The following SOX6 variants were observed in gnomAD, a reference collection of about 807,000 sequenced individuals.
SOX6 encodes the protein transcription factor SOX-6.
A neutral mutation model predicts 97.8 loss-of-function variants in SOX6; 11 were observed. The ratio of observed to expected loss-of-function variants is 0.11; its 90% CI spans 0.07 to 0.19. The LOEUF is 0.19. SOX6 is among the 10% of genes least tolerant of loss of function. The pLI is 1.00. For missense variants in SOX6, 810 were observed against 1,039.5 expected, an observed-to-expected ratio of 0.78 and a Z score of 3.04; for synonymous variants, 360 against 371.4, an observed-to-expected ratio of 0.97 and a Z score of 0.35.
intron 2 of SOX6, among the ~76,000 whole-genome samples, chr11:16,726,066 T>C (rs1848304231): frequency 6.6e-6 from 1 of 152,232 alleles, no homozygotes; most frequent in African/African-American, 2.4e-5. Flanking sequence ...TCTTCTAATA[T>C]CTACCTCAGG....
rs189808541 is a variant in SOX6 at position 16,036,161 on chromosome 11, C to A, written c.1623+10353G>T. ...ATGGCATGACCTCTGCTCACCGCAA[C>A]CTCTGCCTCCTAGGTTCAAGCAATT... is the stretch of plus-strand genomic sequence containing the variant. On this transcript the variant is annotated intron_variant, in intron 12 of 15. Coordinates refer to ENST00000683767, the MANE Select transcript of SOX6 (RefSeq NM_001367873.1). 2.0e-5 allele frequency among the ~76,000 whole-genome samples: 3 copies of A among 150,748 alleles called. No individual in the cohort carries two copies. The East Asian group carries it at 5.8e-4, about 29-fold the overall frequency.
chr11:16,694,657 T>C (rs1848039984), intron 3 of SOX6, among the ~76,000 whole-genome samples: 1 of 152,246 alleles, frequency 6.6e-6, no homozygotes. Context: ...AGAAGTCTTA[T>C]TACTCATGCT....
chr11:16,081,598 G>C (rs926846794), intron 9 of SOX6, among the ~76,000 whole-genome samples: 1 of 152,134 alleles, frequency 6.6e-6, no homozygotes, highest in African/African-American at 2.4e-5. Context: ...ATGTCGCTAT[G>C]CAGCTCTTTG....
At chr11:16,627,977 G>A (rs1848647534) in intron 3 of SOX6, among the ~76,000 whole-genome samples, 1 of 152,056 alleles carries the variant, frequency 6.6e-6, no homozygotes, top group Non-Finnish European at 1.5e-5. Flanking sequence ...TTTTATATAT[G>A]GTGAAAGGTA....
chr11:16,195,189 T>G (rs1851739197), intron 4 of SOX6, among the ~76,000 whole-genome samples: 1 of 152,192 alleles, frequency 6.6e-6, no homozygotes, highest in Non-Finnish European at 1.5e-5. Flanking sequence ...GTTATCTTAA[T>G]CCTCATCCAA....
At chr11:16,291,714 G>A (rs1353473284) in intron 3 of SOX6, among the ~76,000 whole-genome samples, 2 of 152,096 alleles carry the variant, frequency 1.3e-5, no homozygotes, top group African/African-American at 4.8e-5. Context: ...TGTGAGGCAT[G>A]TGCGTACACA....
intron 4 of SOX6, among the ~76,000 whole-genome samples, chr11:16,586,500 G>T (rs575842660): frequency 2.6e-5 from 4 of 152,206 alleles, no homozygotes; most frequent in African/African-American, 9.6e-5. Context: ...AAGAGCCTTA[G>T]AAGAAAAAAG....
chr11:16,078,356 T>G (rs570207254), intron 9 of SOX6, among the ~76,000 whole-genome samples: 1 of 152,280 alleles, frequency 6.6e-6, no homozygotes, highest in African/African-American at 2.4e-5. Flanking sequence ...GTCCAGAAAT[T>G]AGATTTGAAA....
intron 12 of SOX6, among the ~76,000 whole-genome samples, chr11:16,030,228 T>C (rs184528131): frequency 5.3e-5 from 8 of 152,318 alleles, no homozygotes; most frequent in Non-Finnish European, 1.0e-4. Context: ...ACTCTTAGGT[T>C]TGAATAAATA....
chr11:16,691,009 T>C (rs1159006505), intron 3 of SOX6, among the ~76,000 whole-genome samples: 1 of 152,152 alleles, frequency 6.6e-6, no homozygotes, highest in East Asian at 1.9e-4. Flanking sequence ...GTCTACAGGA[T>C]AGGGGAAACT....
intron 1 of SOX6, among the ~76,000 whole-genome samples, chr11:16,421,387 G>A (rs918638420): frequency 6.6e-6 from 1 of 151,982 alleles, no homozygotes; most frequent in Non-Finnish European, 1.5e-5. Context: ...TTAACATCTA[G>A]TAAGTCCGAT....
intron 3 of SOX6, among the ~76,000 whole-genome samples, chr11:16,236,943 G>T (rs1414875408): frequency 2.0e-5 from 3 of 151,972 alleles, no homozygotes; most frequent in Admixed American, 2.0e-4. Flanking sequence ...TTACTGCAAT[G>T]CTCAGTTAAT....
chr11:16,566,026 G>A (rs1041474382), intron 4 of SOX6, among the ~76,000 whole-genome samples: 17 of 151,444 alleles, frequency 1.1e-4, no homozygotes, highest in African/African-American at 3.6e-4. Context: ...AACCCAGGAG[G>A]TGGAGCTTGC....
intron 4 of SOX6, among the ~76,000 whole-genome samples, chr11:16,530,821 C>G (rs1590235046): frequency 6.6e-6 from 1 of 151,746 alleles, no homozygotes; most frequent in East Asian, 1.9e-4. Flanking sequence ...CAGAGATGAC[C>G]AGATCACAAC....
chr11:16,208,053 T>C (rs1441566088), intron 4 of SOX6, among the ~76,000 whole-genome samples: 1 of 152,224 alleles, frequency 6.6e-6, no homozygotes, highest in Non-Finnish European at 1.5e-5. Context: ...AAAAGGATTA[T>C]TTCTACTAAA....
chr11:16,156,856 T>A (rs1850614450), intron 6 of SOX6, among the ~76,000 whole-genome samples: 1 of 152,076 alleles, frequency 6.6e-6, no homozygotes, highest in African/African-American at 2.4e-5. Context: ...TGTGTAACTA[T>A]CATCACTCTA....
chr11:16,158,657 T>C (rs753912811), intron 6 of SOX6, among the ~76,000 whole-genome samples: 1 of 151,970 alleles, frequency 6.6e-6, no homozygotes, highest in Non-Finnish European at 1.5e-5. Flanking sequence ...TCTTATCTGC[T>C]TGTGGCTTTC....
chr11:16,699,307 T>C (rs569839615), intron 3 of SOX6, among the ~76,000 whole-genome samples: 1 of 152,288 alleles, frequency 6.6e-6, no homozygotes, highest in East Asian at 1.9e-4. Context: ...AATAGCTAGT[T>C]AGCAGGGAAC....
intron 3 of SOX6, among the ~76,000 whole-genome samples, chr11:16,671,138 G>A (rs111790715): frequency 6.6e-6 from 1 of 152,304 alleles, no homozygotes; most frequent in African/African-American, 2.4e-5. Context: ...GAAAAGAAGT[G>A]TATTGACTAT....
Sources: allele counts gnomAD v4.1 joint callset (sites outside exome capture counted in the v4.1 genomes callset), GRCh38; gene constraint gnomAD v4.1.1; transcripts MANE v1.5; gene names NCBI Gene and HGNC (gene_info 2026-07-23, HGNC 2026-07-21).